Variants in GRAMD4 observed in about 807,000 individuals in gnomAD.
GRAMD4 encodes the protein GRAM domain containing 4.
In GRAMD4, 25 loss-of-function variants were observed where a neutral mutation model predicts 83.9. The ratio of observed to expected loss-of-function variants is 0.30; its 90% CI spans 0.22 to 0.42. The LOEUF (loss-of-function observed/expected upper bound fraction) is 0.42, where lower values mean the gene tolerates loss of function less well. Ranked by LOEUF, GRAMD4 falls within the 10% of genes least tolerant of loss-of-function variation. The pLI is 1.00. For synonymous variants in GRAMD4, 336 were observed against 320.9 expected (o/e 1.05, Z -0.50); for missense variants, 593 against 788.7 (o/e 0.75, Z 2.97).
chr22:46,643,842 G>C (rs993955064), intron 3 of GRAMD4, among the ~76,000 whole-genome samples: 13 of 152,140 alleles, frequency 8.5e-5, no homozygotes, highest in African/African-American at 2.9e-4. Context: ...GTCCCATAAT[G>C]CATGATGTAG....
intron 2 of GRAMD4, among the ~76,000 whole-genome samples, chr22:46,629,340 C>T (rs1472737082): frequency 1.3e-5 from 2 of 152,172 alleles, no homozygotes; most frequent in Non-Finnish European, 2.9e-5. Flanking sequence ...GTGAAACGTA[C>T]GTGGCTGGCG....
chr22:46,614,703 G>C (rs2081452284), intron 1 of GRAMD4, among the ~76,000 whole-genome samples: 1 of 152,172 alleles, frequency 6.6e-6, no homozygotes, highest in East Asian at 1.9e-4. Flanking sequence ...CACATTTCAT[G>C]ATTATTTGCA....
Position 46,668,742 on chromosome 22 carries a change from G to C in GRAMD4, c.974+10G>C, listed in dbSNP as rs373054138. On this transcript the variant is annotated intron_variant, in intron 12 of 18. Coordinates refer to ENST00000406902, the MANE Select transcript of GRAMD4 (RefSeq NM_015124.5). ...TGGAGAAGATCAAGAAGTAAGTCCCGCCCCCCACCCCGGCCCTGCGGCGCC... is the reference window on the plus strand; with the variant it reads ...TGGAGAAGATCAAGAAGTAAGTCCCCCCCCCCACCCCGGCCCTGCGGCGCC... The C allele has an allele frequency of 1.9e-6, 3 of 1,581,402 alleles. No homozygotes were observed. The highest frequency in any genetic ancestry group is 1.1e-5 in the South Asian group (1 of 90,074).
chr22:46,670,802 C>T (rs574939737), intron 13 of GRAMD4, among the ~76,000 whole-genome samples: 1 of 152,224 alleles, frequency 6.6e-6, no homozygotes, highest in Admixed American at 6.5e-5. Context: ...GACGAGGTTT[C>T]ACCATGTTGG....
At chr22:46,581,410 A>C (rs969279204) in intron 1 of GRAMD4, among the ~76,000 whole-genome samples, 2 of 152,246 alleles carry the variant, frequency 1.3e-5, no homozygotes, top group African/African-American at 4.8e-5. Flanking sequence ...CTAAGTCCCC[A>C]GTTCGTTCCC....
intron 3 of GRAMD4, among the ~76,000 whole-genome samples, chr22:46,641,871 G>A (rs569747953): frequency 1.2e-4 from 18 of 152,342 alleles, no homozygotes; most frequent in South Asian, 4.1e-4. Context: ...TTTGTCTGCC[G>A]TTTGGCTCCG....
rs887237971 is a variant in GRAMD4, at chr22:46,621,704, C to T, written c.-50+1139C>T. Among the ~76,000 whole-genome samples, 13 of 144,586 alleles carry T rather than the reference C, an allele frequency of 9.0e-5. No homozygotes were observed. Among genetic ancestry groups the T allele is most frequent in the Non-Finnish European group, 2.0e-4 (13 of 66,424 alleles). 94.9% of individuals were successfully genotyped at this position (144,586 alleles called of 152,430 possible). A position where few individuals can be genotyped will look rare whatever the true frequency, so the allele number is the denominator to read the frequency against. ...GCAGGCACAGGCTGGAGGCGTAGCC[C>T]GGGCCCGTCCCTGGCGCTGTGTCGC... On this transcript the variant is annotated intron_variant, in intron 1 of 18. Coordinates refer to ENST00000406902, the MANE Select transcript of GRAMD4 (RefSeq NM_015124.5). This position sits in a 1 kb window ranked among gnomAD's most constrained non-coding sequence, Gnocchi z 5.8.
chr22:46,676,507 GC>G, intron 17 of GRAMD4, 92 bp from the exon 18 acceptor site: 2 of 1,129,776 alleles, frequency 1.8e-6, no homozygotes, highest in Non-Finnish European at 2.6e-6. Context: ...CTGCCTGTGT[GC>G]CCAGTGGAGG....
At chr22:46,592,813 A>G (rs2081223753) in intron 1 of GRAMD4, among the ~76,000 whole-genome samples, 1 of 152,198 alleles carries the variant, frequency 6.6e-6, no homozygotes, top group Non-Finnish European at 1.5e-5. Context: ...CCTTGCTTTC[A>G]GTTCCACATG....
At chr22:46,584,405 C>T (rs2081127825) in intron 1 of GRAMD4, among the ~76,000 whole-genome samples, 1 of 151,956 alleles carries the variant, frequency 6.6e-6, no homozygotes, top group South Asian at 2.1e-4. Context: ...GCCTCCTGTA[C>T]CTGTATTGAG....
upstream of GRAMD4, among the ~76,000 whole-genome samples, chr22:46,615,663 CGTGCGTAGGTTCCCCT>C (rs774781759): frequency 0.22 from 6,058 of 27,068 alleles, 1,786 homozygotes; most frequent in East Asian, 0.64. Flanking sequence ...TAGGTTCCCC[CGTGCGTAGGTTCCCCT>C]GTGCGTAGGT....
rs998918291 is a variant in GRAMD4 at position 46,607,672 on chromosome 22, C to T, written c.-49-19079C>T. ...CCGCCCTCTCTCCTCTGCCTGGCCA[C>T]GGTTTCCTAACTGGTATTTCCACTT... On this transcript the variant is annotated intron_variant, in intron 1 of 1. Coordinates refer to the GRAMD4 transcript ENST00000431155. Among the ~76,000 whole-genome samples, 12 of 152,328 alleles carry T rather than the reference C, an allele frequency of 7.9e-5. No individual in the cohort carries two copies. The East Asian group carries it at 1.7e-3, about 22-fold the overall frequency.
chr22:46,609,259 C>T (rs905207079), intron 1 of GRAMD4, among the ~76,000 whole-genome samples: 16 of 152,330 alleles, frequency 1.1e-4, no homozygotes, highest in Middle Eastern at 3.4e-3. Flanking sequence ...TGTTGCCCTC[C>T]GCGCAGGAGC....
rs567499535 is a variant in GRAMD4, at chr22:46,592,380, C to T, written c.-50+15090C>T. Among the ~76,000 whole-genome samples the T allele has an allele frequency of 2.6e-3, 385 of 150,748 alleles. 6 individuals are homozygous for T. Among genetic ancestry groups the T allele is most frequent in the African/African-American group, 8.8e-3 (358 of 40,902 alleles). On this transcript the variant is annotated intron_variant, in intron 1 of 1. Coordinates refer to the GRAMD4 transcript ENST00000431155. ...GTCCCAGCTCCTTGGGAGGCTAAGG[C>T]GGGAGGATCCATAGAGCCCAGGAGT...
rs1334928834 is a variant in GRAMD4 at position 46,663,059 on chromosome 22, G to A, written c.486G>A (p.Leu162=). ...CTGCAGAGCGCCGGAGCCAGGGGCTGTCCTCGCGCCTGCAGAAGTGGTTCT... is the reference window on the plus strand; with the variant it reads ...CTGCAGAGCGCCGGAGCCAGGGGCTATCCTCGCGCCTGCAGAAGTGGTTCT... The part of the protein sequence containing the change: ...SNGAERRSQG[L]SSRLQKWFYE... The change falls in exon 6 of 19, where the codon CTG becomes CTA. Residue 162 remains leucine, a synonymous_variant. Coordinates refer to ENST00000406902, the MANE Select transcript of GRAMD4 (RefSeq NM_015124.5). The A allele has an allele frequency of 1.9e-6, 3 of 1,611,334 alleles. No homozygotes were observed. The highest frequency in any genetic ancestry group is 1.3e-5 in the African/African-American group (1 of 74,892).
chr22:46,637,529 G>A (rs1294866670), intron 2 of GRAMD4, among the ~76,000 whole-genome samples: 4 of 152,148 alleles, frequency 2.6e-5, no homozygotes, highest in South Asian at 2.1e-4. Context: ...GTGAACCACC[G>A]TGCCCAGCCT....
At chr22:46,590,006 C>T (rs1458169817) in intron 1 of GRAMD4, among the ~76,000 whole-genome samples, 1 of 152,230 alleles carries the variant, frequency 6.6e-6, no homozygotes, top group Non-Finnish European at 1.5e-5. Flanking sequence ...GTGTCGCCTC[C>T]TGTAACTCCC....
chr22:46,661,412 A>G lies in GRAMD4; in HGVS notation c.436A>G (p.Lys146Glu), dbSNP rs2082324960. The G allele has an allele frequency of 6.2e-7, 1 of 1,612,174 alleles. No individual in the cohort carries two copies. The highest frequency in any genetic ancestry group is 8.5e-7 in the Non-Finnish European group (1 of 1,179,854). Reference sequence around the variant, plus strand: ...GGAGCAGATGGCTCAGCAGCCCCCAAAAGGGCAGGCCCAGGCCAGCAATGG... The same window carrying G: ...GGAGCAGATGGCTCAGCAGCCCCCAGAAGGGCAGGCCCAGGCCAGCAATGG... ...TEEQMAQQPP[K>E]GQAQASNGAE... Residue 146 changes from lysine to glutamate, a missense_variant, in exon 5 of 19, where the codon AAA becomes GAA. By Grantham distance (56) the Lys-to-Glu change is moderately conservative (BLOSUM62 1). Transcript: ENST00000406902.
chr22:46,626,712 G>A, intron 1 of GRAMD4, 39 bp from the exon 2 acceptor site: 1 of 1,341,938 alleles, frequency 7.5e-7, no homozygotes, highest in Non-Finnish European at 1.0e-6. Context: ...GGGGCTTGGA[G>A]GTGGCGAGCG....
Sources: allele counts gnomAD v4.1 joint callset (sites outside exome capture counted in the v4.1 genomes callset), GRCh38; gene constraint gnomAD v4.1.1; non-coding constraint Gnocchi (gnomAD v3.1); transcripts MANE v1.5; gene names NCBI Gene and HGNC (gene_info 2026-07-23, HGNC 2026-07-21).